The following CNTNAP4 variants were observed in gnomAD, a reference collection of about 807,000 sequenced individuals.
CNTNAP4 encodes the protein contactin associated protein family member 4, also known as contactin-associated protein-like 4.
CNTNAP4 carries 98 observed loss-of-function variants against 148.4 expected under a neutral mutation model. That is an observed-to-expected ratio of 0.66 (90% CI 0.56 to 0.78). CNTNAP4 has a LOEUF of 0.78. Ranked by LOEUF, CNTNAP4 falls within the 30% of genes least tolerant of loss-of-function variation. The pLI is 0.00. For missense variants in CNTNAP4, 1,935 were observed against 1,565.6 expected, an observed-to-expected ratio of 1.24 and a Z score of -3.98; for synonymous variants, 730 against 565.1, an observed-to-expected ratio of 1.29 and a Z score of -4.14.
chr16:76,410,291 A>G (rs891122680), intron 3 of CNTNAP4, among the ~76,000 whole-genome samples: 1 of 151,828 alleles, frequency 6.6e-6, no homozygotes, highest in Non-Finnish European at 1.5e-5. Flanking sequence ...AACATGAAAT[A>G]AATGAGATTT....
chr16:76,526,179 A>G (rs1285341557), intron 17 of CNTNAP4, among the ~76,000 whole-genome samples: 1 of 152,136 alleles, frequency 6.6e-6, no homozygotes, highest in Non-Finnish European at 1.5e-5. Flanking sequence ...AGGCCAGATG[A>G]AACAGAAGAG....
intron 2 of CNTNAP4, among the ~76,000 whole-genome samples, chr16:76,338,003 TACAA>T (rs1483123476): frequency 1.3e-5 from 2 of 152,210 alleles, no homozygotes; most frequent in Non-Finnish European, 2.9e-5. Context: ...ACACATGTTT[TACAA>T]ACAGTTTGTA....
intron 3 of CNTNAP4, among the ~76,000 whole-genome samples, chr16:76,376,697 A>G (rs1392087183): frequency 2.0e-5 from 3 of 152,162 alleles, no homozygotes; most frequent in African/African-American, 4.8e-5. Context: ...AACTGAGGGC[A>G]TAGACATTTA....
intron 3 of CNTNAP4, among the ~76,000 whole-genome samples, chr16:76,422,142 T>A (rs1336118031): frequency 6.6e-6 from 1 of 152,142 alleles, no homozygotes; most frequent in Non-Finnish European, 1.5e-5. Flanking sequence ...TTAAAATACA[T>A]TCCTAAATTG....
chr16:76,533,744 C>G (rs2084090379), intron 17 of CNTNAP4, among the ~76,000 whole-genome samples: 1 of 151,818 alleles, frequency 6.6e-6, no homozygotes, highest in African/African-American at 2.4e-5. Context: ...CCAGGCATTC[C>G]AAAACTCTGT....
intron 3 of CNTNAP4, among the ~76,000 whole-genome samples, chr16:76,413,426 A>G (rs1242412548): frequency 6.6e-6 from 1 of 151,378 alleles, no homozygotes; most frequent in African/African-American, 2.4e-5. Context: ...CTGCATGGCA[A>G]ACATTGTTAA....
At chr16:76,525,090 CT>C (rs2083659707) in intron 17 of CNTNAP4, among the ~76,000 whole-genome samples, 2 of 152,086 alleles carry the variant, frequency 1.3e-5, no homozygotes, top group African/African-American at 4.8e-5. Context: ...TAGGAAAGGG[CT>C]TCAATCAAGC....
intron 4 of CNTNAP4, among the ~76,000 whole-genome samples, chr16:76,435,106 G>A (rs1410446046): frequency 6.6e-6 from 1 of 152,156 alleles, no homozygotes; most frequent in African/African-American, 2.4e-5. Flanking sequence ...TGTCAGTAGG[G>A]TAGTAGGGTC....
intron 17 of CNTNAP4, among the ~76,000 whole-genome samples, chr16:76,531,328 A>G (rs1162766846): frequency 2.0e-5 from 3 of 152,206 alleles, no homozygotes; most frequent in Admixed American, 1.3e-4. Context: ...TCTGTCGCTT[A>G]TAGTAATTTC....
intron 23 of CNTNAP4, among the ~76,000 whole-genome samples, chr16:76,555,039 G>C (rs12922974): frequency 0.29 from 44,310 of 151,532 alleles, 6,487 homozygotes; most frequent in South Asian, 0.35. Flanking sequence ...AGGGCAACAG[G>C]ATAATTGTTT....
rs1317028512 is a variant in CNTNAP4, at chr16:76,521,307, C to T, written c.2533C>T (p.Arg845Cys). The stretch of plus-strand genomic sequence containing the variant: ...TGCTGATTTTATACGGATAGAGCTT[C>T]GCTGTAAGTCTCCTTTTCCAGAGAA... Reference protein sequence around the residue: ...GIADFIRIELRSPTVVTFSFD... With the variant: ...GIADFIRIELCSPTVVTFSFD... Residue 845 changes from arginine to cysteine, a missense_variant, in exon 16 of 24, where the codon CGC becomes TGC. Physicochemically the swap from Arg to Cys is radical, Grantham distance 180. Transcript: ENST00000611870. 49 of 1,596,966 alleles carry T rather than the reference C, an allele frequency of 3.1e-5. No homozygotes were observed. The highest frequency in any genetic ancestry group is 3.4e-5 in the South Asian group (3 of 87,948).
intron 2 of CNTNAP4, among the ~76,000 whole-genome samples, chr16:76,342,853 A>T (rs1192198234): frequency 6.6e-6 from 1 of 152,206 alleles, no homozygotes; most frequent in Non-Finnish European, 1.5e-5. Context: ...GATATAATAA[A>T]AGCAATAACA....
chr16:76,326,456 C>T (rs1201904770), intron 2 of CNTNAP4, among the ~76,000 whole-genome samples: 1 of 152,152 alleles, frequency 6.6e-6, no homozygotes, highest in Non-Finnish European at 1.5e-5. Flanking sequence ...GAAAAGCTAG[C>T]AAAAGGATTA....
chr16:76,449,594 T>G, intron 6 of CNTNAP4, 121 bp from the exon 7 acceptor site: 1 of 701,066 alleles, frequency 1.4e-6, no homozygotes, highest in Non-Finnish European at 2.1e-6. Flanking sequence ...AATTTTTGTG[T>G]GTGTAGGGTT....
intron 13 of CNTNAP4, among the ~76,000 whole-genome samples, chr16:76,494,651 A>C (rs1411786339): frequency 6.6e-6 from 1 of 152,190 alleles, no homozygotes; most frequent in Non-Finnish European, 1.5e-5. Context: ...TGCCTAAATT[A>C]AATAGGAACT....
At chr16:76,381,733 T>C (rs974641098) in intron 3 of CNTNAP4, among the ~76,000 whole-genome samples, 2 of 152,198 alleles carry the variant, frequency 1.3e-5, no homozygotes, top group African/African-American at 4.8e-5. Context: ...TTTCTTATGC[T>C]TTTTAAATAA....
chr16:76,548,273 T>A (rs1426574078), intron 21 of CNTNAP4, among the ~76,000 whole-genome samples: 3 of 147,322 alleles, frequency 2.0e-5, no homozygotes, highest in East Asian at 4.3e-4. Flanking sequence ...GTTCCAACCC[T>A]GGCTCTCTTG....
At chr16:76,401,060 T>A (rs1347557503) in intron 3 of CNTNAP4, among the ~76,000 whole-genome samples, 1 of 152,192 alleles carries the variant, frequency 6.6e-6, no homozygotes, top group Non-Finnish European at 1.5e-5. Flanking sequence ...AATAGTTTTT[T>A]CTACTTCTGT....
intron 4 of CNTNAP4, among the ~76,000 whole-genome samples, chr16:76,429,233 A>G (rs1242872811): frequency 6.6e-6 from 1 of 152,180 alleles, no homozygotes; most frequent in South Asian, 2.1e-4. Context: ...CCTGCAAACT[A>G]GAAGTTGGAC....
Sources: allele counts gnomAD v4.1 joint callset (sites outside exome capture counted in the v4.1 genomes callset), GRCh38; gene constraint gnomAD v4.1.1; transcripts MANE v1.5; gene names NCBI Gene and HGNC (gene_info 2026-07-23, HGNC 2026-07-21).